The following BLM variants were observed in gnomAD, a reference collection of about 807,000 sequenced individuals.
BLM encodes BLM RecQ like helicase.
In BLM, 95 loss-of-function variants were observed where a neutral mutation model predicts 135.3. That is an observed-to-expected ratio of 0.70 (90% CI 0.59 to 0.83). BLM has a LOEUF of 0.83. Ranked by LOEUF, BLM falls within the 40% of genes least tolerant of loss-of-function variation. The pLI is 0.00. For synonymous variants in BLM, 520 were observed against 589.2 expected (o/e 0.88, Z 1.70); for missense variants, 1,518 against 1,663.9 (o/e 0.91, Z 1.53).
chr15:90,796,195 A>G (rs1394136504), intron 16 of BLM, among the ~76,000 whole-genome samples: 1 of 152,188 alleles, frequency 6.6e-6, no homozygotes, highest in Non-Finnish European at 1.5e-5. Flanking sequence ...GGCAGAGAAG[A>G]TCAGGAGTTT....
chr15:90,725,160 C>T (rs192997197), intron 1 of BLM, among the ~76,000 whole-genome samples: 4 of 152,200 alleles, frequency 2.6e-5, no homozygotes, highest in South Asian at 4.2e-4. Context: ...CTGCCCGTCT[C>T]GGCCTCCCAA....
intron 10 of BLM, among the ~76,000 whole-genome samples, chr15:90,767,853 C>A (rs994070454): frequency 6.6e-6 from 1 of 152,034 alleles, no homozygotes; most frequent in African/African-American, 2.4e-5. Context: ...GATTCTTCCC[C>A]AAATCAGTTA....
At chr15:90,774,101 G>T (rs1896405316) in intron 12 of BLM, among the ~76,000 whole-genome samples, 1 of 131,712 alleles carries the variant, frequency 7.6e-6, no homozygotes, top group African/African-American at 2.9e-5. Flanking sequence ...TTGAGGCGGA[G>T]TCTCACTCTG....
At chr15:90,782,671 C>T (rs905381592) in intron 12 of BLM, 151 bp from the exon 13 acceptor site, 1 of 627,482 alleles carries the variant, frequency 1.6e-6, no homozygotes, top group Non-Finnish European at 2.9e-6. Flanking sequence ...ATAACTCCAC[C>T]CCTCATGACC....
At chr15:90,771,967 C>A (rs1555421247) in intron 12 of BLM, among the ~76,000 whole-genome samples, 1 of 152,108 alleles carries the variant, frequency 6.6e-6, no homozygotes, top group Non-Finnish European at 1.5e-5. Context: ...TTGTGGATTT[C>A]CAGTCTCCAG....
intron 1 of BLM, among the ~76,000 whole-genome samples, chr15:90,742,294 G>A (rs115190112): frequency 1.3e-5 from 2 of 150,584 alleles, no homozygotes; most frequent in East Asian, 1.9e-4. Context: ...CAGTCACTGA[G>A]TGAGGCTTAC....
chr15:90,784,332 T>C (rs897327930), intron 13 of BLM, among the ~76,000 whole-genome samples: 1 of 127,752 alleles, frequency 7.8e-6, no homozygotes, highest in East Asian at 2.1e-4. Flanking sequence ...CTTTTCTTTT[T>C]TTTTTTTTTT....
chr15:90,774,064 G>A (rs1039136148), intron 12 of BLM, among the ~76,000 whole-genome samples: 1 of 127,888 alleles, frequency 7.8e-6, no homozygotes, highest in Non-Finnish European at 1.6e-5. Flanking sequence ...AAGTGCCTCC[G>A]TCTTTTTTTT....
rs1555420377 is a variant in BLM, at chr15:90,765,279, T to C, written c.2075-17T>C. On this transcript the variant is annotated splice_polypyrimidine_tract_variant and intron_variant, in intron 8 of 21. Transcript: ENST00000355112. ...AAGACAGAACCTGACAGATATTTTT[T>C]CATTGTTCTCTTTCAGGAGGTGGTA... 2 of 1,548,462 alleles carry C rather than the reference T, an allele frequency of 1.3e-6. No individual in the cohort carries two copies. Among genetic ancestry groups the C allele is most frequent in the Non-Finnish European group, 8.9e-7 (1 of 1,120,458 alleles).
chr15:90,773,136 G>T (rs987555004), intron 12 of BLM, among the ~76,000 whole-genome samples: 2 of 143,874 alleles, frequency 1.4e-5, no homozygotes, highest in Admixed American at 1.4e-4. Context: ...AGCGTAGACA[G>T]CAGCCGAGCG....
intron 1 of BLM, among the ~76,000 whole-genome samples, chr15:90,730,741 C>T (rs937580422): frequency 1.3e-5 from 2 of 152,056 alleles, no homozygotes; most frequent in Admixed American, 6.5e-5. Context: ...CCACCATGCC[C>T]GGCGTGATAA....
intron 12 of BLM, among the ~76,000 whole-genome samples, chr15:90,775,498 TTTTA>T (rs1316153301): frequency 7.1e-6 from 1 of 141,596 alleles, no homozygotes; most frequent in African/African-American, 3.0e-5. Flanking sequence ...TGTTTTTATT[TTTTA>T]TATATATATG....
chr15:90,771,420 G>T (rs567534840), intron 12 of BLM, among the ~76,000 whole-genome samples: 232 of 152,200 alleles, frequency 1.5e-3, no homozygotes, highest in African/African-American at 5.2e-3. Flanking sequence ...CCAGGAGGCG[G>T]AGGTTGCAGT....
intron 12 of BLM, among the ~76,000 whole-genome samples, chr15:90,779,963 G>C (rs1375536714): frequency 6.6e-6 from 1 of 152,100 alleles, no homozygotes; most frequent in Non-Finnish European, 1.5e-5. Context: ...TTTACATCCT[G>C]GAACAGTGCA....
At position 90,803,621 on chromosome 15, in the gene BLM, G is replaced by T. The variant is rs776065910; in HGVS notation, c.3459G>T (p.Lys1153Asn). The T allele has an allele frequency of 3.1e-6, 5 of 1,614,138 alleles. No homozygotes were observed. The highest frequency in any genetic ancestry group is 4.2e-6 in the Non-Finnish European group (5 of 1,180,012). Residue 1153 changes from lysine to asparagine, a missense_variant, in exon 18 of 22, where the codon AAG becomes AAT. Transcript: ENST00000355112. Reference sequence around the variant, plus strand: ...TTTTTAAAAAGCTGATACTTGACAAGATTTTGGATGAAGACTTATATATCA... The same window carrying T: ...TTTTTAAAAAGCTGATACTTGACAATATTTTGGATGAAGACTTATATATCA... Reference protein sequence around the residue: ...ERLFKKLILDKILDEDLYINA... With the variant: ...ERLFKKLILDNILDEDLYINA...
intron 17 of BLM, among the ~76,000 whole-genome samples, chr15:90,799,942 T>G (rs1001953369): frequency 4.6e-5 from 7 of 152,162 alleles, no homozygotes; most frequent in Admixed American, 1.3e-4. Flanking sequence ...GAAAGACAGA[T>G]GGACTGTTAG....
chr15:90,733,420 A>G (rs950084957), intron 1 of BLM, among the ~76,000 whole-genome samples: 3 of 152,230 alleles, frequency 2.0e-5, no homozygotes, highest in Admixed American at 1.3e-4. Context: ...CATGAGGTCC[A>G]AATGGTTTAA....
chr15:90,788,471 G>GTTTTTTTTTTT (rs35158343), intron 14 of BLM, among the ~76,000 whole-genome samples: 20 of 95,000 alleles, frequency 2.1e-4, no homozygotes, highest in South Asian at 4.3e-4. Flanking sequence ...CCAGTGTTTT[G>GTTTTTTTTTTT]TTTTTTTTTT....
intron 1 of BLM, among the ~76,000 whole-genome samples, chr15:90,722,946 T>G (rs1894807570): frequency 6.6e-6 from 1 of 152,176 alleles, no homozygotes; most frequent in Admixed American, 6.5e-5. Flanking sequence ...GTTCAAGCAA[T>G]TCTCCTGCCT....
Sources: gnomAD v4.1 joint callset for allele counts (sites outside exome capture counted in the v4.1 genomes callset) on GRCh38, gnomAD v4.1.1 for gene constraint, MANE v1.5 for transcripts, NCBI Gene and HGNC (gene_info 2026-07-23, HGNC 2026-07-21) for gene names.